The following CADM2 variants were observed in gnomAD, a reference collection of about 807,000 sequenced individuals.
CADM2 encodes immunoglobulin superfamily member 4D.
In CADM2, 12 loss-of-function variants were observed where a neutral mutation model predicts 49.8. The observed-to-expected ratio is 0.24, with a 90% confidence interval of 0.15 to 0.39. CADM2 has a LOEUF of 0.39. Among genes scored for constraint, CADM2 ranks in the 10% least tolerant of loss-of-function variants. The pLI is 1.00. For synonymous variants in CADM2, 214 were observed against 175.4 expected (o/e 1.22, Z -1.74); for missense variants, 378 against 492.3 (o/e 0.77, Z 2.20).
At chr3:85,324,967 T>C (rs1407543176) in intron 1 of CADM2, among the ~76,000 whole-genome samples, 1 of 152,234 alleles carries the variant, frequency 6.6e-6, no homozygotes, top group Non-Finnish European at 1.5e-5. Context: ...CCTCTGCAGC[T>C]GGTTCTGCAC....
At chr3:85,118,426 G>T (rs1045787414) in intron 1 of CADM2, among the ~76,000 whole-genome samples, 1 of 152,110 alleles carries the variant, frequency 6.6e-6, no homozygotes, top group South Asian at 2.1e-4. Context: ...CCAGTTCCAC[G>T]TAGCTGGGGA....
chr3:85,454,072 C>T (rs1376063188), intron 1 of CADM2, among the ~76,000 whole-genome samples: 3 of 152,024 alleles, frequency 2.0e-5, no homozygotes, highest in South Asian at 2.1e-4. Flanking sequence ...AAAATACAAG[C>T]GGCTGGGCGT....
At chr3:85,362,976 A>T (rs2107285953) in intron 1 of CADM2, among the ~76,000 whole-genome samples, 1 of 152,338 alleles carries the variant, frequency 6.6e-6, no homozygotes, top group South Asian at 2.1e-4. Flanking sequence ...TACTTTCTGC[A>T]AATCACTTGT....
At chr3:85,959,048 ATC>A (rs1491360891) in intron 7 of CADM2, among the ~76,000 whole-genome samples, 1 of 150,940 alleles carries the variant, frequency 6.6e-6, no homozygotes, top group African/African-American at 2.4e-5. Flanking sequence ...ATATCTATAT[ATC>A]TATATATCTA....
chr3:85,622,716 T>TTAA (rs2064011094), intron 1 of CADM2, among the ~76,000 whole-genome samples: 1 of 152,152 alleles, frequency 6.6e-6, no homozygotes, highest in African/African-American at 2.4e-5. Context: ...TTAATCAGAA[T>TTAA]ATCCCAGCCC....
chr3:85,686,665 C>T (rs2066226093), intron 1 of CADM2, among the ~76,000 whole-genome samples: 1 of 151,936 alleles, frequency 6.6e-6, no homozygotes, highest in South Asian at 2.1e-4. Flanking sequence ...TATCTTGGGG[C>T]CCTAAAATCA....
At chr3:85,345,942 C>T (rs1223559878) in intron 1 of CADM2, among the ~76,000 whole-genome samples, 1 of 152,066 alleles carries the variant, frequency 6.6e-6, no homozygotes, top group Non-Finnish European at 1.5e-5. Flanking sequence ...AATATGCATA[C>T]ATTTATATTC....
At chr3:85,647,857 A>G (rs913771316) in intron 1 of CADM2, among the ~76,000 whole-genome samples, 2 of 151,842 alleles carry the variant, frequency 1.3e-5, no homozygotes, top group Admixed American at 6.6e-5. Context: ...ACAAAAATAA[A>G]AGAAAGGAAT....
At chr3:84,969,825 T>G (rs1317209016) in intron 1 of CADM2, among the ~76,000 whole-genome samples, 1 of 151,974 alleles carries the variant, frequency 6.6e-6, no homozygotes, top group African/African-American at 2.4e-5. Flanking sequence ...TATTTGAATC[T>G]TCCCGATATC....
intron 5 of CADM2, among the ~76,000 whole-genome samples, chr3:85,908,708 TATA>T (rs527404312): frequency 1.2e-3 from 171 of 147,098 alleles, no homozygotes; most frequent in African/African-American, 4.3e-3. Context: ...TTGTAATTAT[TATA>T]ATAACTTACG....
intron 1 of CADM2, among the ~76,000 whole-genome samples, chr3:85,695,675 C>G (rs1288138004): frequency 6.6e-6 from 1 of 151,970 alleles, no homozygotes; most frequent in Non-Finnish European, 1.5e-5. Context: ...GGAACTTAGG[C>G]TGATTCTGTA....
intron 1 of CADM2, among the ~76,000 whole-genome samples, chr3:85,265,495 G>C (rs949216351): frequency 6.6e-6 from 1 of 151,914 alleles, no homozygotes; most frequent in Non-Finnish European, 1.5e-5. Flanking sequence ...ATGAGAGAGA[G>C]AGCAAGAAGA....
At chr3:85,576,268 G>C (rs1167602925) in intron 1 of CADM2, among the ~76,000 whole-genome samples, 2 of 152,162 alleles carry the variant, frequency 1.3e-5, no homozygotes, top group Non-Finnish European at 2.9e-5. Flanking sequence ...GGTAGGCAAG[G>C]CTGCCATCTA....
chr3:85,320,629 T>C (rs2044574514), intron 1 of CADM2, among the ~76,000 whole-genome samples: 1 of 152,190 alleles, frequency 6.6e-6, no homozygotes, highest in Non-Finnish European at 1.5e-5. Flanking sequence ...CGCATTTATA[T>C]TGAGACAAAA....
intron 1 of CADM2, among the ~76,000 whole-genome samples, chr3:85,239,063 G>C (rs1247657556): frequency 6.6e-6 from 1 of 151,738 alleles, no homozygotes; most frequent in African/African-American, 2.4e-5. Context: ...TTAAACACCA[G>C]ACTGGATGCT....
At chr3:85,972,509 A>C (rs890377621) in intron 8 of CADM2, among the ~76,000 whole-genome samples, 1 of 151,796 alleles carries the variant, frequency 6.6e-6, no homozygotes, top group Non-Finnish European at 1.5e-5. Flanking sequence ...TGGATTCCAG[A>C]CTAAATGGTA....
chr3:86,030,596 G>A (rs1465800992), intron 8 of CADM2, among the ~76,000 whole-genome samples: 1 of 151,866 alleles, frequency 6.6e-6, no homozygotes, highest in Non-Finnish European at 1.5e-5. Context: ...CCACACAAGT[G>A]AGCAAGAATT....
chr3:85,116,658 T>A (rs1194393507), intron 1 of CADM2, among the ~76,000 whole-genome samples: 1 of 152,166 alleles, frequency 6.6e-6, no homozygotes, highest in Non-Finnish European at 1.5e-5. Flanking sequence ...ATTATTTTTA[T>A]TCATTCTTTT....
chr3:85,596,011 C>T (rs896223299), intron 1 of CADM2, among the ~76,000 whole-genome samples: 1 of 151,712 alleles, frequency 6.6e-6, no homozygotes, highest in African/African-American at 2.4e-5. Context: ...TTTCTTCACC[C>T]TAAAGTAAGT....
Sources: allele counts gnomAD v4.1 joint callset (sites outside exome capture counted in the v4.1 genomes callset), GRCh38; gene constraint gnomAD v4.1.1; transcripts MANE v1.5; gene names NCBI Gene and HGNC (gene_info 2026-07-23, HGNC 2026-07-21).